CTNNA1: variants seen among roughly 807,000 people sequenced by gnomAD.
CTNNA1 encodes catenin alpha 1.
In CTNNA1, 37 loss-of-function variants were observed where a neutral mutation model predicts 98.4. The ratio of observed to expected loss-of-function variants is 0.38; its 90% CI spans 0.29 to 0.49. The LOEUF (loss-of-function observed/expected upper bound fraction) is 0.49, where lower values mean the gene tolerates loss of function less well. Ranked by LOEUF, CTNNA1 falls within the 20% of genes least tolerant of loss-of-function variation. The probability of loss-of-function intolerance (pLI) is 0.95; values close to 1 mark genes in which losing one functional copy is unlikely to be tolerated. For synonymous variants in CTNNA1, 404 were observed against 413.2 expected, an observed-to-expected ratio of 0.98 and a Z score of 0.27; for missense variants, 761 against 1,147.2, an observed-to-expected ratio of 0.66 and a Z score of 4.86.
intron 9 of CTNNA1, among the ~76,000 whole-genome samples, chr5:138,897,043 C>A (rs190515171): frequency 6.6e-6 from 1 of 151,720 alleles, no homozygotes; most frequent in Non-Finnish European, 1.5e-5. Flanking sequence ...TTAATGAAAT[C>A]CTGCCTATAA....
intron 9 of CTNNA1, among the ~76,000 whole-genome samples, chr5:138,890,343 A>G (rs1755076572): frequency 7.4e-6 from 1 of 134,642 alleles, no homozygotes; most frequent in South Asian, 2.3e-4. Flanking sequence ...CATGGTCCCC[A>G]ATAAGATTTG....
chr5:138,831,316 G>C (rs1019995329), intron 7 of CTNNA1, among the ~76,000 whole-genome samples: 1 of 152,228 alleles, frequency 6.6e-6, no homozygotes, highest in Non-Finnish European at 1.5e-5. Context: ...AATTAAGTCA[G>C]AATCTCTGCG....
chr5:138,860,226 T>C (rs1322211771), intron 7 of CTNNA1, among the ~76,000 whole-genome samples: 1 of 152,224 alleles, frequency 6.6e-6, no homozygotes, highest in Non-Finnish European at 1.5e-5. Flanking sequence ...TAGTTATAAA[T>C]TAGGGTAATG....
intron 1 of CTNNA1, among the ~76,000 whole-genome samples, chr5:138,758,884 T>G (rs559207261): frequency 6.6e-6 from 1 of 152,018 alleles, no homozygotes; most frequent in African/African-American, 2.4e-5. Context: ...CTTGGCTCAC[T>G]GCACTGCCTC....
chr5:138,795,014 G>C (rs1756782754), intron 3 of CTNNA1, among the ~76,000 whole-genome samples: 1 of 151,856 alleles, frequency 6.6e-6, no homozygotes, highest in Non-Finnish European at 1.5e-5. Flanking sequence ...GCCAGATGTG[G>C]TAGCACTCAC....
Position 138,812,278 on chromosome 5 carries a change from C to CA in CTNNA1, c.565dup (p.Ile189AsnfsTer17). ...TAAAACCTGAAGTGGATAAGCTGAACATTATGGCAGCCAAAAGACAACAGG... is the reference window on the plus strand; with the variant it reads ...TAAAACCTGAAGTGGATAAGCTGAACAATTATGGCAGCCAAAAGACAACAGG... On this transcript the variant is annotated frameshift_variant, in exon 5 of 18. Coordinates refer to ENST00000302763, the MANE Select transcript of CTNNA1 (RefSeq NM_001903.5). LOFTEE classifies it high-confidence loss of function. 6.2e-7 allele frequency: 1 copy of CA among 1,613,514 alleles called. No homozygotes were observed. The highest frequency in any genetic ancestry group is 8.5e-7 in the Non-Finnish European group (1 of 1,179,810).
intron 7 of CTNNA1, chr5:138,869,083 G>A (rs1765085045): frequency 6.8e-6 from 1 of 147,102 alleles, no homozygotes; most frequent in East Asian, 2.0e-4. Flanking sequence ...GCTCTTGAAG[G>A]TGATTGAACA....
At chr5:138,902,230 T>C (rs1209045285) in intron 9 of CTNNA1, among the ~76,000 whole-genome samples, 1 of 152,206 alleles carries the variant, frequency 6.6e-6, no homozygotes, top group Non-Finnish European at 1.5e-5. Context: ...TTACGTAATC[T>C]TTTGCTTCTT....
At chr5:138,785,101 G>A (rs571884733) in intron 3 of CTNNA1, among the ~76,000 whole-genome samples, 18 of 143,454 alleles carry the variant, frequency 1.3e-4, no homozygotes, top group Admixed American at 8.6e-4. Flanking sequence ...TCGCTCTGTC[G>A]CCCAGGCTGG....
At chr5:138,888,084 A>G (rs184391432) in intron 9 of CTNNA1, among the ~76,000 whole-genome samples, 36 of 152,342 alleles carry the variant, frequency 2.4e-4, no homozygotes, top group Non-Finnish European at 1.8e-4. Context: ...TTGAGGACCT[A>G]AAAAGATGAT....
intron 9 of CTNNA1, among the ~76,000 whole-genome samples, chr5:138,891,867 T>C (rs1259023694): frequency 6.6e-6 from 1 of 152,170 alleles, no homozygotes; most frequent in East Asian, 1.9e-4. Flanking sequence ...AAGGGAAAAA[T>C]CAATCTGGGA....
chr5:138,775,487 T>C (rs1486205667), intron 1 of CTNNA1, among the ~76,000 whole-genome samples: 1 of 152,100 alleles, frequency 6.6e-6, no homozygotes, highest in African/African-American at 2.4e-5. Context: ...CAAATGCAGG[T>C]TCCTTTTGGC....
At chr5:138,932,923 A>G (rs949580617) in intron 17 of CTNNA1, 1 of 790,674 alleles carries the variant, frequency 1.3e-6, no homozygotes. Context: ...AAGGGCTGAA[A>G]GGCTGGCCTC....
intron 7 of CTNNA1, among the ~76,000 whole-genome samples, chr5:138,834,817 CT>C (rs1761617464): frequency 6.6e-6 from 1 of 152,108 alleles, no homozygotes; most frequent in East Asian, 1.9e-4. Flanking sequence ...GCCAAACAGG[CT>C]TTTTGAGAGC....
intron 1 of CTNNA1, among the ~76,000 whole-genome samples, chr5:138,777,988 CTTTTTT>C (rs777826985): frequency 2.7e-4 from 4 of 14,858 alleles, no homozygotes; most frequent in Admixed American, 1.1e-3. Flanking sequence ...CTTAATCTGT[CTTTTTT>C]TTTTTTTTTT....
chr5:138,910,543 A>G (rs924022678), intron 10 of CTNNA1, among the ~76,000 whole-genome samples: 8 of 151,920 alleles, frequency 5.3e-5, no homozygotes, highest in Admixed American at 5.3e-4. Context: ...GCTTTAACTC[A>G]TTGCCTTGAG....
intron 7 of CTNNA1, among the ~76,000 whole-genome samples, chr5:138,877,213 C>T (rs1336090213): frequency 6.6e-6 from 1 of 152,180 alleles, no homozygotes; most frequent in African/African-American, 2.4e-5. Flanking sequence ...TGCTACTCCC[C>T]CTCTGACCTT....
chr5:138,784,665 C>G (rs76171263), intron 3 of CTNNA1, among the ~76,000 whole-genome samples: 8,252 of 152,228 alleles, frequency 0.054, 326 homozygotes, highest in South Asian at 0.15. Context: ...AATTTATTCT[C>G]TCATCATTCT....
chr5:138,894,770 C>G (rs1202142671), intron 9 of CTNNA1, among the ~76,000 whole-genome samples: 1 of 152,162 alleles, frequency 6.6e-6, no homozygotes, highest in Non-Finnish European at 1.5e-5. Flanking sequence ...TCCAGATTCT[C>G]AACCATGGCC....
Sources: gnomAD v4.1 joint callset for allele counts (sites outside exome capture counted in the v4.1 genomes callset) on GRCh38, gnomAD v4.1.1 for gene constraint, MANE v1.5 for transcripts, NCBI Gene and HGNC (gene_info 2026-07-23, HGNC 2026-07-21) for gene names.